RBFOX1: variants seen among roughly 807,000 people sequenced by gnomAD.
RBFOX1 encodes RNA binding protein fox-1 homolog 1.
Under a neutral mutation model 57.7 loss-of-function variants are expected in RBFOX1, and 8 were observed. The observed-to-expected ratio is 0.14, with a 90% CI of 0.08 to 0.25. The LOEUF is 0.25. RBFOX1 is among the 10% of genes least tolerant of loss of function. RBFOX1 has a pLI of 1.00. For missense variants in RBFOX1, 611 were observed against 548.5 expected, an observed-to-expected ratio of 1.11 and a Z score of -1.14; for synonymous variants, 326 against 222.4, an observed-to-expected ratio of 1.47 and a Z score of -4.15.
intron 11 of RBFOX1, among the ~76,000 whole-genome samples, chr16:7,652,177 G>C (rs1329991634): frequency 1.3e-5 from 2 of 152,130 alleles, no homozygotes; most frequent in Non-Finnish European, 2.9e-5. Context: ...AGCACTGGGA[G>C]AGTCAGAGAA....
intron 3 of RBFOX1, among the ~76,000 whole-genome samples, chr16:5,866,858 G>A (rs1226063643): frequency 6.6e-6 from 1 of 152,144 alleles, no homozygotes; most frequent in Non-Finnish European, 1.5e-5. Context: ...TTGCAAACAT[G>A]AAGCTGCTGC....
At chr16:7,046,818 C>T (rs1311083072) in intron 3 of RBFOX1, among the ~76,000 whole-genome samples, 2 of 151,928 alleles carry the variant, frequency 1.3e-5, no homozygotes, top group Admixed American at 6.6e-5. Flanking sequence ...GTTGACCAGA[C>T]TGGTCTTGAA....
chr16:6,886,797 GAAA>G (rs373166220), intron 3 of RBFOX1, among the ~76,000 whole-genome samples: 5 of 149,272 alleles, frequency 3.3e-5, no homozygotes, highest in African/African-American at 1.2e-4. Context: ...AAAAAAACCA[GAAA>G]AAAAAAGAAT....
chr16:5,567,591 A>G (rs940499247), intron 2 of RBFOX1, among the ~76,000 whole-genome samples: 14 of 146,394 alleles, frequency 9.6e-5, no homozygotes, highest in African/African-American at 3.5e-4. Flanking sequence ...TGAATGGAGG[A>G]GAAGCCAGCT....
chr16:5,414,613 G>A (rs1487042025), intron 1 of RBFOX1, among the ~76,000 whole-genome samples: 1 of 152,164 alleles, frequency 6.6e-6, no homozygotes, highest in Admixed American at 6.5e-5. Context: ...CTTAGCTGGA[G>A]GTGACAGCTG....
chr16:7,433,118 A>C (rs548486985), intron 4 of RBFOX1, among the ~76,000 whole-genome samples: 1 of 152,262 alleles, frequency 6.6e-6, no homozygotes, highest in South Asian at 2.1e-4. Context: ...GTGCCCATTG[A>C]ATTCCCCCAA....
chr16:7,597,289 A>G (rs935228106), intron 8 of RBFOX1, 82 bp from the exon 9 acceptor site: 10 of 998,826 alleles, frequency 1.0e-5, no homozygotes, highest in Non-Finnish European at 1.2e-5. Context: ...TTAATAAGTA[A>G]TCACGGTCAT....
intron 1 of RBFOX1, among the ~76,000 whole-genome samples, chr16:5,328,417 A>C (rs1198281451): frequency 6.6e-6 from 1 of 152,204 alleles, no homozygotes; most frequent in Non-Finnish European, 1.5e-5. Flanking sequence ...AGCCTACAGA[A>C]TTGTGAGGAA....
At chr16:6,686,053 G>A (rs1207528994) in intron 3 of RBFOX1, among the ~76,000 whole-genome samples, 1 of 152,156 alleles carries the variant, frequency 6.6e-6, no homozygotes. Flanking sequence ...TGTCCCATAT[G>A]TTTGGCTGGG....
At chr16:5,706,936 C>T (rs2051271598) in intron 3 of RBFOX1, among the ~76,000 whole-genome samples, 1 of 152,064 alleles carries the variant, frequency 6.6e-6, no homozygotes. Flanking sequence ...AGTATCTTAC[C>T]TTCATACACA....
At chr16:5,309,287 A>G (rs185945541) in intron 1 of RBFOX1, among the ~76,000 whole-genome samples, 1 of 152,168 alleles carries the variant, frequency 6.6e-6, no homozygotes, top group African/African-American at 2.4e-5. Flanking sequence ...TCTTGTTGCT[A>G]TCTCTCTTTC....
chr16:7,652,496 C>G (rs1393848521), intron 11 of RBFOX1, among the ~76,000 whole-genome samples: 1 of 152,200 alleles, frequency 6.6e-6, no homozygotes, highest in Non-Finnish European at 1.5e-5. Flanking sequence ...CAACCTCCAC[C>G]TCCCAGGTTC....
chr16:6,921,429 C>T (rs532208172), intron 3 of RBFOX1, among the ~76,000 whole-genome samples: 7 of 152,032 alleles, frequency 4.6e-5, no homozygotes, highest in Admixed American at 2.0e-4. Flanking sequence ...TTCCTGTGAC[C>T]GTAAGTCTGA....
intron 3 of RBFOX1, among the ~76,000 whole-genome samples, chr16:6,987,138 T>G (rs899292204): frequency 6.6e-6 from 1 of 152,048 alleles, no homozygotes; most frequent in African/African-American, 2.4e-5. Flanking sequence ...GGCCTAATAA[T>G]GGGAGCTCAG....
intron 4 of RBFOX1, among the ~76,000 whole-genome samples, chr16:7,449,081 C>G (rs1414070257): frequency 6.6e-6 from 1 of 151,926 alleles, no homozygotes. Flanking sequence ...AGGCATGCAC[C>G]AGCATGCCCG....
intron 1 of RBFOX1, among the ~76,000 whole-genome samples, chr16:5,360,388 C>T (rs17137899): frequency 6.6e-6 from 1 of 152,112 alleles, no homozygotes; most frequent in Non-Finnish European, 1.5e-5. Flanking sequence ...TCTTGAAACT[C>T]AATGTGCACG....
intron 2 of RBFOX1, among the ~76,000 whole-genome samples, chr16:6,486,082 CTTTTTTTTTTTTT>C (rs71145234): frequency 3.2e-5 from 2 of 62,966 alleles, no homozygotes; most frequent in African/African-American, 7.0e-5. Context: ...CAGTAAAAGG[CTTTTTTTTTTTTT>C]TTTTTTTTTT....
rs2093694946 is a variant in RBFOX1 at position 7,580,724 on chromosome 16, G to C, written c.414+804G>C. On this transcript the variant is annotated intron_variant, in intron 6 of 15. Coordinates refer to ENST00000550418, the MANE Select transcript of RBFOX1 (RefSeq NM_018723.4). ...CACTATCCACTTTGGGAAGACATGA[G>C]TTTGCCATTTCTTTGACCAGTGTTC... Among the ~76,000 whole-genome samples, 3 of 152,270 alleles carry C rather than the reference G, an allele frequency of 2.0e-5. No individual in the cohort carries two copies. The South Asian group carries it at 6.2e-4, about 32-fold the overall frequency.
chr16:5,293,346 C>T (rs1381968452), intron 1 of RBFOX1, among the ~76,000 whole-genome samples: 1 of 151,932 alleles, frequency 6.6e-6, no homozygotes, highest in Non-Finnish European at 1.5e-5. Context: ...GCTGTTATCA[C>T]ACCTCATCCC....
Sources: gnomAD v4.1 joint callset for allele counts (sites outside exome capture counted in the v4.1 genomes callset) on GRCh38, gnomAD v4.1.1 for gene constraint, MANE v1.5 for transcripts, NCBI Gene and HGNC (gene_info 2026-07-23, HGNC 2026-07-21) for gene names.